The following MYO18A variants were observed in gnomAD, a reference collection of about 807,000 sequenced individuals.
The protein encoded by MYO18A is unconventional myosin-XVIIIa.
Under a neutral mutation model 235.8 loss-of-function variants are expected in MYO18A, and 78 were observed. The observed-to-expected ratio is 0.33, with a 90% CI of 0.28 to 0.40. The LOEUF (loss-of-function observed/expected upper bound fraction) is 0.40. Among genes scored for constraint, MYO18A ranks in the 10% least tolerant of loss-of-function variants. The pLI, the probability that MYO18A is intolerant of heterozygous loss-of-function variation, is 1.00. For missense variants in MYO18A, 2,215 were observed against 2,699.3 expected (o/e 0.82, Z 3.98); for synonymous variants, 977 against 1,077.8 (o/e 0.91, Z 1.83).
chr17:29,149,492 C>T (rs1425297155), intron 2 of MYO18A, among the ~76,000 whole-genome samples: 1 of 152,192 alleles, frequency 6.6e-6, no homozygotes. Context: ...CCAGCCCCTA[C>T]ACCCACCCAG....
rs181274626 is a variant in MYO18A, at chr17:29,157,120, C to T, written c.999+8822G>A. On this transcript the variant is annotated intron_variant, in intron 2 of 41. Transcript: ENST00000527372. ...TGGGCCAAAAAGGTGAGAGGGGCAA[C>T]GTCCCAGACTCCCAGATCTAGCATA... is the stretch of plus-strand genomic sequence containing the variant. 5.4e-4 allele frequency among the ~76,000 whole-genome samples: 82 copies of T among 152,326 alleles called. 1 individual carries two copies. In the Middle Eastern group the frequency reaches 0.017, roughly 32 times the overall value.
chr17:29,173,479 C>T (rs908665242), intron 1 of MYO18A, among the ~76,000 whole-genome samples: 2 of 151,472 alleles, frequency 1.3e-5, no homozygotes, highest in Admixed American at 6.6e-5. Context: ...GCTCCGCCTC[C>T]CGGGTTCACG....
chr17:29,112,971 C>T (rs563245038), intron 15 of MYO18A, among the ~76,000 whole-genome samples: 11 of 152,170 alleles, frequency 7.2e-5, no homozygotes, highest in Non-Finnish European at 1.2e-4. Context: ...GGGGTGCAGC[C>T]GCCCCATGCC....
At chr17:29,099,087 C>T (rs1052928846) in intron 22 of MYO18A, 118 bp from the exon 23 acceptor site, 1 of 1,298,484 alleles carries the variant, frequency 7.7e-7, no homozygotes, top group South Asian at 1.3e-5. Context: ...GGCCCCCTGA[C>T]CCCGAGTCAG....
rs772521050 is a variant in MYO18A, at chr17:29,109,908, G to A, written c.3281C>T (p.Thr1094Ile). 1 of 1,585,738 alleles carries A rather than the reference G, an allele frequency of 6.3e-7. No individual in the cohort carries two copies. The highest frequency in any genetic ancestry group is 1.1e-5 in the South Asian group (1 of 87,222). The stretch of plus-strand genomic sequence containing the variant: ...GAGCAGGCGGGAGCCGCGGAGCTGG[G>A]TGCGGAGCAGGGGCACGTCGAGCTG... ...LLQLDVPLLR[T>I]QLRGSRLLDA... Residue 1094 changes from threonine to isoleucine, a missense_variant, in exon 19 of 42, where the codon ACC becomes ATC. Transcript: ENST00000527372. This position sits in a 1 kb window ranked among gnomAD's most constrained non-coding sequence, Gnocchi z 4.1.
rs1320640515 is a variant in MYO18A at position 29,103,658 on chromosome 17, C to T, written c.3448G>A (p.Glu1150Lys). 1.2e-6 allele frequency: 2 copies of T among 1,613,632 alleles called. No individual in the cohort carries two copies. Among genetic ancestry groups the T allele is most frequent in the Non-Finnish European group, 1.7e-6 (2 of 1,179,896 alleles). Residue 1150 changes from glutamate to lysine, a missense_variant, in exon 21 of 42, where the codon GAG becomes AAG. Transcript: ENST00000527372. ...YIVVDERRAVEELLECLDLEK... is the reference protein window; with the variant it reads ...YIVVDERRAVKELLECLDLEK... ...AGATCCAAGCACTCCAGCAGCTCCT[C>T]CACTGCCTGTGGAGAGAGGCCTCTG... is the stretch of plus-strand genomic sequence containing the variant.
At chr17:29,161,641 A>G (rs1244037137) in intron 2 of MYO18A, among the ~76,000 whole-genome samples, 1 of 152,190 alleles carries the variant, frequency 6.6e-6, no homozygotes, top group Non-Finnish European at 1.5e-5. Flanking sequence ...GAAAAGTCCT[A>G]TACTCCCAGA....
rs199603563 is a variant in MYO18A, at chr17:29,120,680, C to T, written c.1664G>A (p.Arg555His). Reference sequence around the variant, plus strand: ...GTCCAGGGAGAGGATCTGGGAGAAGCGGGTGGCATTGCCATTAATGATGGT... The same window carrying T: ...GTCCAGGGAGAGGATCTGGGAGAAGTGGGTGGCATTGCCATTAATGATGGT... ...SPTIINGNAT[R>H]FSQILSLDFD... The change falls in exon 7 of 42, where the codon CGC becomes CAC. Residue 555 changes from arginine (R) to histidine (H), a missense_variant. Coordinates refer to ENST00000527372, the MANE Select transcript of MYO18A (RefSeq NM_078471.4). The surrounding 1 kb of genome is among the most constrained non-coding windows in gnomAD (Gnocchi z 4.2). 2,541 of 1,613,938 alleles carry T rather than the reference C, an allele frequency of 1.6e-3. 2 individuals are homozygous for T. The highest frequency in any genetic ancestry group is 2.0e-3 in the Non-Finnish European group (2,315 of 1,179,864).
chr17:29,100,520 G>A (rs1285683206), intron 21 of MYO18A, among the ~76,000 whole-genome samples: 1 of 152,210 alleles, frequency 6.6e-6, no homozygotes, highest in African/African-American at 2.4e-5. Context: ...CCAGCTGGGT[G>A]CCCCCACGCC....
chr17:29,162,578 T>C (rs1249407127), intron 2 of MYO18A, among the ~76,000 whole-genome samples: 1 of 152,208 alleles, frequency 6.6e-6, no homozygotes, highest in East Asian at 1.9e-4. Flanking sequence ...GCACCAGGAC[T>C]GGCCCCTGTG....
intron 39 of MYO18A, among the ~76,000 whole-genome samples, chr17:29,086,041 T>C (rs373154867): frequency 1.3e-5 from 2 of 152,230 alleles, no homozygotes; most frequent in East Asian, 1.9e-4. Flanking sequence ...TACAAATCTC[T>C]TTCTCTCCAA....
intron 2 of MYO18A, among the ~76,000 whole-genome samples, chr17:29,123,586 C>T (rs1022028663): frequency 6.6e-6 from 1 of 152,202 alleles, no homozygotes; most frequent in African/African-American, 2.4e-5. Flanking sequence ...CGGCCCTTCC[C>T]CAGATTGGAG....
intron 2 of MYO18A, chr17:29,131,457 G>A: frequency 1.0e-6 from 1 of 985,580 alleles, no homozygotes. Context: ...GGGAGCAGAT[G>A]AAGAAGTCAC....
intron 14 of MYO18A, 132 bp downstream of exon 14, chr17:29,114,775 G>A (rs2067015941): frequency 4.1e-6 from 4 of 972,204 alleles, no homozygotes; most frequent in Non-Finnish European, 4.4e-6. Flanking sequence ...GGCAAGGAAC[G>A]ACTCCTGCTC....
At chr17:29,178,151 T>C (rs554593679) in intron 1 of MYO18A, among the ~76,000 whole-genome samples, 8 of 152,242 alleles carry the variant, frequency 5.3e-5, no homozygotes, top group East Asian at 3.9e-4. Context: ...TCCAGGGAAC[T>C]GGCTGGCTAC....
intron 21 of MYO18A, among the ~76,000 whole-genome samples, chr17:29,102,231 T>C (rs1260446784): frequency 6.6e-6 from 1 of 152,166 alleles, no homozygotes; most frequent in African/African-American, 2.4e-5. Context: ...GATCAGCTTG[T>C]AGAGGCCCTT....
At chr17:29,080,162 C>G (rs971264655) in intron 41 of MYO18A, 2 of 986,006 alleles carry the variant, frequency 2.0e-6, no homozygotes, top group Non-Finnish European at 2.4e-6. Flanking sequence ...TCCAGTTGGG[C>G]GCTCCGGGCA....
In MYO18A at chr17:29,140,175, C is replaced by T. The variant is rs2067702996; in HGVS notation, c.1000-17922G>A. ...GCTTCCGGGGCTGAGTAACTCCCTT[C>T]TTACCAAGAAGCTCGGAGAGGAGCC... is the stretch of plus-strand genomic sequence containing the variant. On this transcript the variant is annotated intron_variant, in intron 2 of 41. Transcript: ENST00000527372. The surrounding 1 kb of genome is among the most constrained non-coding windows in gnomAD (Gnocchi z 4.2). Among the ~76,000 whole-genome samples, 1 of 152,150 alleles carries T rather than the reference C, an allele frequency of 6.6e-6. No homozygotes were observed. The highest frequency in any genetic ancestry group is 2.1e-4 in the South Asian group (1 of 4,828).
intron 2 of MYO18A, among the ~76,000 whole-genome samples, chr17:29,164,160 G>A (rs2068232363): frequency 6.6e-6 from 1 of 152,200 alleles, no homozygotes; most frequent in African/African-American, 2.4e-5. Context: ...AAAGTGCTGG[G>A]ATTACAGGCG....
Sources: gnomAD v4.1 joint callset for allele counts (sites outside exome capture counted in the v4.1 genomes callset) on GRCh38, gnomAD v4.1.1 for gene constraint, Gnocchi (gnomAD v3.1) non-coding constraint, MANE v1.5 for transcripts, NCBI Gene and HGNC (gene_info 2026-07-23, HGNC 2026-07-21) for gene names.